LRRIQ1: variants seen among roughly 807,000 people sequenced by gnomAD.
LRRIQ1 encodes the protein leucine-rich repeat- and IQ domain-containing protein 1.
In LRRIQ1, 210 loss-of-function variants were observed where a neutral mutation model predicts 211.9. The ratio of observed to expected loss-of-function variants is 0.99; its 90% CI spans 0.89 to 1.11. The LOEUF (loss-of-function observed/expected upper bound fraction) is 1.11. LRRIQ1 is among the 50% of genes most tolerant of loss of function. The probability of loss-of-function intolerance (pLI) is 0.00; values close to 1 mark genes in which losing one functional copy is unlikely to be tolerated. For synonymous variants in LRRIQ1, 699 were observed against 650.1 expected, an observed-to-expected ratio of 1.08 and a Z score of -1.14; for missense variants, 2,136 against 1,939.5, an observed-to-expected ratio of 1.10 and a Z score of -1.90.
At chr12:85,067,021 T>C in intron 10 of LRRIQ1, 123 bp downstream of exon 10, 1 of 493,176 alleles carries the variant, frequency 2.0e-6, no homozygotes, top group Non-Finnish European at 3.3e-6. Flanking sequence ...GTTATACTTT[T>C]AAAATTTAGA....
At position 85,217,546 on chromosome 12, in the gene LRRIQ1, GTGTGTA is replaced by G. The variant is rs1222791863; in HGVS notation, c.4823-11969_4823-11964del. Reference sequence around the variant, plus strand: ...TGTGTGTGTGTGTGTGTGTGTGTGTGTGTGTATATAGGTATATATATGTGTGTATAC... The same window carrying G: ...TGTGTGTGTGTGTGTGTGTGTGTGTGTATAGGTATATATATGTGTGTATAC... On this transcript the variant is annotated intron_variant, in intron 24 of 26. Coordinates refer to ENST00000393217, the MANE Select transcript of LRRIQ1 (RefSeq NM_001079910.2). Among the ~76,000 whole-genome samples, 378 of 103,120 alleles carry G rather than the reference GTGTGTA, an allele frequency of 3.7e-3. 3 individuals are homozygous for G. Among genetic ancestry groups the G allele is most frequent in the East Asian group, 0.026 (101 of 3,846 alleles). 67.7% of individuals were successfully genotyped at this position (103,120 alleles called of 152,430 possible). A position where few individuals can be genotyped will look rare whatever the true frequency, so the allele number is the denominator to read the frequency against.
Position 85,229,505 on chromosome 12 carries a change from T to G in LRRIQ1, c.4823-12T>G, listed in dbSNP as rs995824500. ...TTAAATAATAAGTACACGTTCCATA[T>G]TTCTTTCACAGGTATAGAAGAAGAC... On this transcript the variant is annotated splice_polypyrimidine_tract_variant and intron_variant, in intron 24 of 26. Coordinates refer to ENST00000393217, the MANE Select transcript of LRRIQ1 (RefSeq NM_001079910.2). The G allele has an allele frequency of 6.3e-7, 1 of 1,590,554 alleles. No homozygotes were observed. The highest frequency in any genetic ancestry group is 1.9e-5 in the Admixed American group (1 of 52,582).
At chr12:85,260,723 G>A (rs570362282) in intron 1 of LRRIQ1, among the ~76,000 whole-genome samples, 1 of 152,164 alleles carries the variant, frequency 6.6e-6, no homozygotes, top group Non-Finnish European at 1.5e-5. Flanking sequence ...TTACTGCTGA[G>A]GCAAGATGAG....
rs1258390235 is a variant in LRRIQ1 at position 85,216,420 on chromosome 12, G to A, written c.4823-13097G>A. ...GAGCAGGACCGCTGGTATGCAGGCAGTGTTCTATATTTTGAAATGATCAGA... is the reference window on the plus strand; with the variant it reads ...GAGCAGGACCGCTGGTATGCAGGCAATGTTCTATATTTTGAAATGATCAGA... On this transcript the variant is annotated intron_variant, in intron 24 of 26. Coordinates refer to ENST00000393217, the MANE Select transcript of LRRIQ1 (RefSeq NM_001079910.2). Among the ~76,000 whole-genome samples, 3 of 151,820 alleles carry A rather than the reference G, an allele frequency of 2.0e-5. 1 individual carries two copies. Among genetic ancestry groups the A allele is most frequent in the Non-Finnish European group, 4.4e-5 (3 of 67,972 alleles).
chr12:85,174,701 C>CA (rs71076115), intron 24 of LRRIQ1, among the ~76,000 whole-genome samples: 2,515 of 21,508 alleles, frequency 0.12, 308 homozygotes, highest in Non-Finnish European at 0.15. Context: ...GAGTACAGCT[C>CA]AAAAAAAAAA....
At chr12:85,091,357 T>C (rs529894206) in intron 11 of LRRIQ1, among the ~76,000 whole-genome samples, 1 of 152,340 alleles carries the variant, frequency 6.6e-6, no homozygotes, top group East Asian at 1.9e-4. Context: ...TTTTTGTTTG[T>C]TGAATTGTTT....
At chr12:85,195,590 A>G (rs1892858727) in intron 24 of LRRIQ1, among the ~76,000 whole-genome samples, 1 of 152,058 alleles carries the variant, frequency 6.6e-6, no homozygotes, top group East Asian at 1.9e-4. Flanking sequence ...GATTATCTCA[A>G]TAGATGCAGA....
At chr12:85,244,487 C>T (rs1023627935) in intron 26 of LRRIQ1, among the ~76,000 whole-genome samples, 1 of 151,564 alleles carries the variant, frequency 6.6e-6, no homozygotes, top group African/African-American at 2.4e-5. Flanking sequence ...TAATGTTAAG[C>T]TCTTTAAAGT....
intron 18 of LRRIQ1, among the ~76,000 whole-genome samples, chr12:85,135,817 T>G (rs1476390286): frequency 1.3e-5 from 2 of 151,990 alleles, no homozygotes; most frequent in African/African-American, 4.8e-5. Context: ...TGACATACAT[T>G]TTGCCCCAGG....
At chr12:85,170,670 A>G (rs1280791762) in intron 24 of LRRIQ1, among the ~76,000 whole-genome samples, 1 of 151,846 alleles carries the variant, frequency 6.6e-6, no homozygotes, top group Non-Finnish European at 1.5e-5. Context: ...TGTTAAAAAA[A>G]AAGAGGACTT....
intron 1 of LRRIQ1, among the ~76,000 whole-genome samples, chr12:85,257,173 T>C (rs1459946389): frequency 3.5e-5 from 4 of 114,450 alleles, no homozygotes; most frequent in East Asian, 4.6e-4. Flanking sequence ...TATATAATAA[T>C]TATGTATTAA....
At chr12:85,103,178 A>G (rs1216470997) in intron 13 of LRRIQ1, among the ~76,000 whole-genome samples, 2 of 150,560 alleles carry the variant, frequency 1.3e-5, no homozygotes, top group Non-Finnish European at 3.0e-5. Context: ...TATTTTTAAT[A>G]TCACTATTTT....
chr12:85,243,656 C>T (rs1314773772), intron 26 of LRRIQ1, among the ~76,000 whole-genome samples: 1 of 150,866 alleles, frequency 6.6e-6, no homozygotes, highest in Non-Finnish European at 1.5e-5. Context: ...TACATGTATA[C>T]AATTTTTGTT....
downstream of LRRIQ1, among the ~76,000 whole-genome samples, chr12:85,267,616 G>C (rs1419897574): frequency 1.3e-5 from 2 of 152,122 alleles, no homozygotes; most frequent in East Asian, 3.9e-4. Context: ...AGGAGACTTA[G>C]TAAGGGTGAA....
At chr12:85,232,159 C>T (rs549908737) in intron 25 of LRRIQ1, among the ~76,000 whole-genome samples, 1 of 151,886 alleles carries the variant, frequency 6.6e-6, no homozygotes, top group East Asian at 1.9e-4. Flanking sequence ...AAACTTTCTC[C>T]TTTGAAAATA....
chr12:85,152,443 A>C, intron 20 of LRRIQ1, 74 bp downstream of exon 20: 1 of 1,076,776 alleles, frequency 9.3e-7, no homozygotes, highest in Non-Finnish European at 1.3e-6. Flanking sequence ...TGCAGTGATT[A>C]ATAATACAAT....
At position 85,244,796 on chromosome 12, in the gene LRRIQ1, T is replaced by C. The variant is rs1565926050; in HGVS notation, c.5024T>C (p.Leu1675Pro). 6.2e-7 allele frequency: 1 copy of C among 1,611,080 alleles called. No homozygotes were observed. Among genetic ancestry groups the C allele is most frequent in the South Asian group, 1.1e-5 (1 of 90,980 alleles). ...CTCTTCCATTGCTCCCAGGCAAGAC[T>C]TGTAAGCAGAGAAGACACGGATTTA... The part of the protein sequence containing the change: ...NGGRVQLVAR[L>P]VSREDTDLDL... The change falls in exon 27 of 27, where the codon CTT becomes CCT. Residue 1675 changes from leucine (L) to proline (P), a missense_variant. Transcript: ENST00000393217.
intron 24 of LRRIQ1, among the ~76,000 whole-genome samples, chr12:85,188,128 A>G (rs1357503906): frequency 6.6e-6 from 1 of 151,452 alleles, no homozygotes; most frequent in Non-Finnish European, 1.5e-5. Context: ...TAAGCCTGGC[A>G]CATAGTAAGC....
At chr12:85,102,959 A>AAAAATATATATATATAT (rs1458673370) in intron 13 of LRRIQ1, among the ~76,000 whole-genome samples, 3 of 108,500 alleles carry the variant, frequency 2.8e-5, no homozygotes, top group African/African-American at 1.2e-4. Context: ...AAAAAAAAAA[A>AAAAATATATATATATAT]ATATATATAT....
Sources: gnomAD v4.1 joint callset for allele counts (sites outside exome capture counted in the v4.1 genomes callset) on GRCh38, gnomAD v4.1.1 for gene constraint, MANE v1.5 for transcripts, NCBI Gene and HGNC (gene_info 2026-07-23, HGNC 2026-07-21) for gene names.